Variants in NEIL3 observed in about 807,000 individuals in gnomAD.
NEIL3 encodes nei like DNA glycosylase 3.
A neutral mutation model predicts 57.5 loss-of-function variants in NEIL3; 48 were observed. The observed-to-expected ratio is 0.83, with a 90% CI of 0.66 to 1.06. The LOEUF is 1.06. Ranked by LOEUF, NEIL3 falls within the 50% of genes least tolerant of loss-of-function variation. NEIL3 has a pLI of 0.00. For synonymous variants in NEIL3, 261 were observed against 253.2 expected (o/e 1.03, Z -0.29); for missense variants, 717 against 739.1 (o/e 0.97, Z 0.35).
intron 1 of NEIL3, among the ~76,000 whole-genome samples, chr4:177,311,367 C>G (rs1312281938): frequency 1.3e-5 from 2 of 151,908 alleles, no homozygotes; most frequent in Admixed American, 6.6e-5. Context: ...GAAGGCTTCC[C>G]CAGGGAAGTA....
chr4:177,353,059 T>C (rs1011293912), intron 7 of NEIL3, among the ~76,000 whole-genome samples: 4 of 152,054 alleles, frequency 2.6e-5, no homozygotes, highest in Non-Finnish European at 5.9e-5. Context: ...AAAAAGCAAA[T>C]ATAAATCTTT....
At position 177,335,727 on chromosome 4, in the gene NEIL3, A is replaced by G. The variant is rs1734962371; in HGVS notation, c.318A>G (p.Pro106=). The change falls in exon 3 of 10, where the codon CCA becomes CCG. Residue 106 remains proline, a synonymous_variant. Transcript: ENST00000264596. ...FGMKGFIMIN[P]LEYKYKNGAS... ...TGAAAGGCTTCATCATGATTAATCCACTTGAGTATAAATATAAAAATGGAG... is the reference window on the plus strand; with the variant it reads ...TGAAAGGCTTCATCATGATTAATCCGCTTGAGTATAAATATAAAAATGGAG... 6.2e-7 allele frequency: 1 copy of G among 1,601,290 alleles called. No homozygotes were observed. The highest frequency in any genetic ancestry group is 1.1e-5 in the South Asian group (1 of 87,820).
intron 8 of NEIL3, among the ~76,000 whole-genome samples, chr4:177,358,400 CG>C (rs965164511): frequency 2.8e-4 from 42 of 152,186 alleles, no homozygotes; most frequent in African/African-American, 1.0e-3. Flanking sequence ...ATCTGCCTCC[CG>C]GGTTCAAGGG....
intron 1 of NEIL3, among the ~76,000 whole-genome samples, chr4:177,319,474 G>A (rs937738308): frequency 2.0e-5 from 3 of 151,964 alleles, no homozygotes; most frequent in Admixed American, 6.6e-5. Flanking sequence ...AATTACAGTA[G>A]GCTTTTGGGG....
chr4:177,342,431 A>G (rs1015782564), intron 6 of NEIL3, among the ~76,000 whole-genome samples: 6 of 152,228 alleles, frequency 3.9e-5, no homozygotes, highest in African/African-American at 1.2e-4. Flanking sequence ...GCAGCTGCAT[A>G]GCAGTATATG....
chr4:177,336,523 C>T (rs528449492), intron 4 of NEIL3, among the ~76,000 whole-genome samples: 49 of 152,282 alleles, frequency 3.2e-4, no homozygotes, highest in Non-Finnish European at 6.0e-4. Context: ...TGTGCACACC[C>T]TCCCACTCCA....
chr4:177,314,404 C>T (rs574174980), intron 1 of NEIL3, among the ~76,000 whole-genome samples: 6 of 152,156 alleles, frequency 3.9e-5, no homozygotes, highest in Admixed American at 6.5e-5. Flanking sequence ...GTTACTTCCT[C>T]GTCTGGAGAT....
chr4:177,344,187 T>A (rs1435738827), intron 6 of NEIL3, among the ~76,000 whole-genome samples: 1 of 152,188 alleles, frequency 6.6e-6, no homozygotes, highest in Non-Finnish European at 1.5e-5. Context: ...TTTTCTACAC[T>A]GGCAGTCAGC....
intron 5 of NEIL3, among the ~76,000 whole-genome samples, chr4:177,340,186 T>A (rs1336625761): frequency 6.6e-6 from 1 of 152,238 alleles, no homozygotes; most frequent in Non-Finnish European, 1.5e-5. Flanking sequence ...CACTTTCAGA[T>A]AACCTTAGTT....
chr4:177,339,891 AAAAT>A (rs1560915145), intron 5 of NEIL3, 34 bp downstream of exon 5: 9 of 1,385,704 alleles, frequency 6.5e-6, no homozygotes, highest in Admixed American at 1.8e-5. Context: ...TGTAAAATGT[AAAAT>A]GTCAGTGGTT....
chr4:177,362,756 C>T lies in NEIL3; in HGVS notation c.*285C>T, dbSNP rs1735634057. 4.8e-6 allele frequency: 1 copy of T among 208,372 alleles called. No homozygotes were observed. Among genetic ancestry groups the T allele is most frequent in the South Asian group, 1.5e-4 (1 of 6,688 alleles). The allele number at this position is 208,372 out of a possible 1,614,324, so 12.9% of individuals were successfully genotyped here. On this transcript the variant is annotated 3_prime_UTR_variant, in exon 10 of 10. Coordinates refer to ENST00000264596, the MANE Select transcript of NEIL3 (RefSeq NM_018248.3). Reference sequence around the variant, plus strand: ...ATGACGATAAAGTGTTTTTAGTATGCTTTTAGTCTCTTGTAACTGGGGAGA... The same window carrying T: ...ATGACGATAAAGTGTTTTTAGTATGTTTTTAGTCTCTTGTAACTGGGGAGA...
chr4:177,310,980 A>C (rs1415899192), intron 1 of NEIL3, among the ~76,000 whole-genome samples: 1 of 152,220 alleles, frequency 6.6e-6, no homozygotes, highest in Non-Finnish European at 1.5e-5. Context: ...TATATTTTCA[A>C]ACTTGGGAAA....
intron 9 of NEIL3, 50 bp from the exon 10 acceptor site, chr4:177,362,239 A>T: frequency 2.7e-6 from 4 of 1,457,676 alleles, no homozygotes; most frequent in Non-Finnish European, 3.8e-6. Flanking sequence ...TAGCCTGTAC[A>T]TCATGATAAC....
chr4:177,363,111 A>ATTG (rs1735642578), downstream of NEIL3, among the ~76,000 whole-genome samples: 1 of 152,194 alleles, frequency 6.6e-6, no homozygotes, highest in African/African-American at 2.4e-5. Context: ...CGTTTAAAAG[A>ATTG]GAGGTTGATT....
chr4:177,356,911 T>C (rs954446406), intron 8 of NEIL3: 5 of 152,210 alleles, frequency 3.3e-5, no homozygotes, highest in African/African-American at 1.2e-4. Flanking sequence ...GCATGTGTTT[T>C]AGGCTGAAAT....
rs138097993 is a variant in NEIL3, at chr4:177,353,099, C to T, written c.1040-209C>T. On this transcript the variant is annotated intron_variant, in intron 7 of 9. Transcript: ENST00000264596. Reference sequence around the variant, plus strand: ...AACCCATGTCTGGGTTTCTGTAAGTCGAAATTTTGCATTTTACATAATATT... The same window carrying T: ...AACCCATGTCTGGGTTTCTGTAAGTTGAAATTTTGCATTTTACATAATATT... 2.2e-4 allele frequency among the ~76,000 whole-genome samples: 34 copies of T among 152,120 alleles called. No homozygotes were observed. In the East Asian group the frequency reaches 6.0e-3, roughly 27 times the overall value.
Position 177,339,821 on chromosome 4 carries a change from G to A in NEIL3, c.666G>A (p.Met222Ile). The change falls in exon 5 of 10, where the codon ATG becomes ATA. Residue 222 changes from methionine (M) to isoleucine (I), a missense_variant. Transcript: ENST00000264596. ...QLTDEQIHHL[M>I]KMIRDFSILF... ...CAGATGAACAGATCCATCACCTCAT[G>A]AAAATGATACGTGATTTCAGCATTC... is the stretch of plus-strand genomic sequence containing the variant. 3 of 1,613,848 alleles carry A rather than the reference G, an allele frequency of 1.9e-6. No homozygotes were observed. The highest frequency in any genetic ancestry group is 2.5e-6 in the Non-Finnish European group (3 of 1,179,814).
chr4:177,339,265 A>G (rs1394522325), intron 4 of NEIL3, among the ~76,000 whole-genome samples: 1 of 152,232 alleles, frequency 6.6e-6, no homozygotes, highest in African/African-American at 2.4e-5. Context: ...TATTATTACA[A>G]TAAAGTAAGC....
At chr4:177,354,144 C>T (rs906695908) in intron 8 of NEIL3, 2 of 169,332 alleles carry the variant, frequency 1.2e-5, no homozygotes, top group Admixed American at 1.2e-4. Context: ...ATGAATCAAA[C>T]CCTAAAAGAC....
Sources: gnomAD v4.1 joint callset for allele counts (sites outside exome capture counted in the v4.1 genomes callset) on GRCh38, gnomAD v4.1.1 for gene constraint, MANE v1.5 for transcripts, NCBI Gene and HGNC (gene_info 2026-07-23, HGNC 2026-07-21) for gene names.